HECW2: variants seen among roughly 807,000 people sequenced by gnomAD.
HECW2 encodes E3 ubiquitin-protein ligase HECW2.
HECW2 carries 61 observed loss-of-function variants against 175.2 expected under a neutral mutation model. That is an observed-to-expected ratio of 0.35 (90% CI 0.28 to 0.43). The LOEUF is 0.43. Among genes scored for constraint, HECW2 ranks in the 20% least tolerant of loss-of-function variants. The pLI is 1.00. For synonymous variants in HECW2, 671 were observed against 731.0 expected, an observed-to-expected ratio of 0.92 and a Z score of 1.32; for missense variants, 1,524 against 2,000.5, an observed-to-expected ratio of 0.76 and a Z score of 4.54.
At chr2:196,335,706 CA>C (rs1446675095) in intron 3 of HECW2, among the ~76,000 whole-genome samples, 2 of 152,218 alleles carry the variant, frequency 1.3e-5, no homozygotes, top group Admixed American at 6.5e-5. Flanking sequence ...CTCAAAAAAA[CA>C]AAAGTTGTTA....
At chr2:196,428,352 C>T (rs1328121584) in intron 2 of HECW2, among the ~76,000 whole-genome samples, 3 of 152,160 alleles carry the variant, frequency 2.0e-5, no homozygotes, top group African/African-American at 7.2e-5. Context: ...AACCTGGATT[C>T]TCAGCACATC....
At chr2:196,206,549 A>C (rs560937033) in intron 28 of HECW2, among the ~76,000 whole-genome samples, 27 of 152,352 alleles carry the variant, frequency 1.8e-4, no homozygotes, top group African/African-American at 6.0e-4. Context: ...AATTTGCATT[A>C]TATTTCATTT....
rs775963991 is a variant in HECW2, at chr2:196,220,757, T to C, written c.4293+38A>G. The C allele has an allele frequency of 1.2e-5, 20 of 1,606,748 alleles. 1 individual carries two copies. Among genetic ancestry groups the C allele is most frequent in the South Asian group, 8.8e-5 (8 of 90,804 alleles). The stretch of plus-strand genomic sequence containing the variant: ...AAGATGGACTGTGGCATCATTGATA[T>C]CAGACTGCAAACTCCTCCTACTGCT... On this transcript the variant is annotated intron_variant, in intron 25 of 28. Transcript: ENST00000644978.
At chr2:196,497,281 A>G (rs1344595369) in intron 1 of HECW2, among the ~76,000 whole-genome samples, 1 of 152,206 alleles carries the variant, frequency 6.6e-6, no homozygotes, top group Non-Finnish European at 1.5e-5. Context: ...TGATTCCTAA[A>G]GCAAACAAAT....
At chr2:196,267,348 G>A (rs769396580) in intron 17 of HECW2, among the ~76,000 whole-genome samples, 15 of 151,982 alleles carry the variant, frequency 9.9e-5, no homozygotes, top group Admixed American at 1.3e-4. Context: ...ATTTGTATTC[G>A]TATAAAATGT....
intron 2 of HECW2, among the ~76,000 whole-genome samples, chr2:196,399,899 GC>G (rs1044360278): frequency 1.3e-5 from 2 of 152,186 alleles, no homozygotes; most frequent in African/African-American, 4.8e-5. Context: ...ATACTGCCAA[GC>G]CCAGTATTAG....
intron 10 of HECW2, among the ~76,000 whole-genome samples, chr2:196,310,442 C>A (rs1691450670): frequency 6.6e-6 from 1 of 152,216 alleles, no homozygotes. Context: ...TCCACTTCTA[C>A]CCACGCTGTC....
At chr2:196,238,510 C>T (rs942926676) in intron 21 of HECW2, 1 of 151,614 alleles carries the variant, frequency 6.6e-6, no homozygotes, top group African/African-American at 2.4e-5. Flanking sequence ...GTTTTCATCT[C>T]TCAAAAACAG....
At chr2:196,237,047 A>G (rs1038279662) in intron 21 of HECW2, among the ~76,000 whole-genome samples, 5 of 152,196 alleles carry the variant, frequency 3.3e-5, no homozygotes, top group African/African-American at 1.2e-4. Context: ...ACAACATAAC[A>G]GAGTTTCTTT....
At chr2:196,389,301 T>C (rs1694439629) in intron 2 of HECW2, among the ~76,000 whole-genome samples, 1 of 152,220 alleles carries the variant, frequency 6.6e-6, no homozygotes, top group South Asian at 2.1e-4. Flanking sequence ...CAAGAAGACC[T>C]ACAGAGAGTT....
chr2:196,452,778 A>C (rs1696384725), intron 1 of HECW2, among the ~76,000 whole-genome samples: 2 of 150,826 alleles, frequency 1.3e-5, no homozygotes, highest in African/African-American at 4.9e-5. Context: ...CAAATGAGTG[A>C]CTGACCCCAA....
chr2:196,464,801 G>C (rs1696883722), intron 1 of HECW2, among the ~76,000 whole-genome samples: 1 of 152,280 alleles, frequency 6.6e-6, no homozygotes, highest in African/African-American at 2.4e-5. Flanking sequence ...CAGCACTTTG[G>C]GAGGCCGAGG....
chr2:196,334,386 T>C, intron 4 of HECW2, 38 bp downstream of exon 4: 2 of 1,471,668 alleles, frequency 1.4e-6, no homozygotes, highest in South Asian at 1.2e-5. Context: ...AGACCCAGCA[T>C]GGATCTCACA....
At chr2:196,538,986 C>T (rs552749139) in intron 1 of HECW2, among the ~76,000 whole-genome samples, 7 of 152,318 alleles carry the variant, frequency 4.6e-5, no homozygotes, top group Admixed American at 4.6e-4. Flanking sequence ...GTGCTTCCAA[C>T]AGTGAGAAGT....
intron 10 of HECW2, among the ~76,000 whole-genome samples, chr2:196,313,219 T>C (rs1691565002): frequency 6.6e-6 from 1 of 152,140 alleles, no homozygotes; most frequent in Non-Finnish European, 1.5e-5. Context: ...AAGAAAATAG[T>C]TTTTCAGAGG....
At chr2:196,262,412 T>C (rs1442271313) in intron 17 of HECW2, among the ~76,000 whole-genome samples, 2 of 152,308 alleles carry the variant, frequency 1.3e-5, no homozygotes, top group East Asian at 3.9e-4. Flanking sequence ...CAAAGTATTA[T>C]CATTTGGCTC....
intron 4 of HECW2, among the ~76,000 whole-genome samples, chr2:196,330,723 A>T (rs1412109593): frequency 6.6e-6 from 1 of 152,112 alleles, no homozygotes; most frequent in African/African-American, 2.4e-5. Flanking sequence ...GAATTCTGTT[A>T]GGTCAGTTTA....
intron 1 of HECW2, among the ~76,000 whole-genome samples, chr2:196,438,555 A>G (rs1695947415): frequency 6.6e-6 from 1 of 152,222 alleles, no homozygotes; most frequent in African/African-American, 2.4e-5. Context: ...TAAACCATGG[A>G]GGTGCCTCCA....
At chr2:196,265,625 ATTACT>A (rs1338508951) in intron 17 of HECW2, among the ~76,000 whole-genome samples, 1 of 151,948 alleles carries the variant, frequency 6.6e-6, no homozygotes, top group Non-Finnish European at 1.5e-5. Context: ...TTAGGGGCAA[ATTACT>A]TTAAACTGAG....
Sources: allele counts gnomAD v4.1 joint callset (sites outside exome capture counted in the v4.1 genomes callset), GRCh38; gene constraint gnomAD v4.1.1; transcripts MANE v1.5; gene names NCBI Gene and HGNC (gene_info 2026-07-23, HGNC 2026-07-21).